Variants in DLG1 observed in about 807,000 individuals in gnomAD.
DLG1 encodes the protein discs large MAGUK scaffold protein 1.
In DLG1, 42 loss-of-function variants were observed where a neutral mutation model predicts 123.4. That is an observed-to-expected ratio of 0.34 (90% CI 0.27 to 0.44). The LOEUF is 0.44. Ranked by LOEUF, DLG1 falls within the 20% of genes least tolerant of loss-of-function variation. The pLI is 1.00. For synonymous variants in DLG1, 317 were observed against 356.2 expected (o/e 0.89, Z 1.24); for missense variants, 942 against 1,082.6 (o/e 0.87, Z 1.82).
At chr3:197,246,919 T>C (rs759623972) in intron 4 of DLG1, among the ~76,000 whole-genome samples, 12 of 152,194 alleles carry the variant, frequency 7.9e-5, no homozygotes, top group Admixed American at 3.3e-4. Flanking sequence ...CAGACTATTA[T>C]AGCGGCCCTA....
intron 8 of DLG1, among the ~76,000 whole-genome samples, chr3:197,139,166 C>G (rs763181264): frequency 2.2e-4 from 34 of 152,038 alleles, no homozygotes; most frequent in Non-Finnish European, 3.5e-4. Context: ...GTTCTGGTCT[C>G]TTTGATTGCA....
intron 4 of DLG1, among the ~76,000 whole-genome samples, chr3:197,222,694 G>A (rs755016626): frequency 6.6e-6 from 1 of 152,056 alleles, no homozygotes; most frequent in African/African-American, 2.4e-5. Flanking sequence ...AAATAGAATC[G>A]CCAAGGCTTT....
chr3:197,130,669 C>T lies in DLG1; in HGVS notation c.1023G>A (p.Val341=), dbSNP rs2149537649. 2 of 1,589,574 alleles carry T rather than the reference C, an allele frequency of 1.3e-6. No homozygotes were observed. The highest frequency in any genetic ancestry group is 1.7e-6 in the Non-Finnish European group (2 of 1,170,262). ...TAACTTCTTCTAAACATACGTTATT[C>T]ACCTAAAAAAAGTCCCAAAAGACAT... The part of the protein sequence containing the change: ...KLQIGDKLLA[V]NNVCLEEVTH... Residue 341 remains valine (V), a splice_region_variant and synonymous_variant, in exon 11 of 25, where the codon GTG becomes GTA. Coordinates refer to ENST00000667157, the MANE Select transcript of DLG1 (RefSeq NM_001366207.1).
chr3:197,051,499 T>A (rs1727703553), intron 24 of DLG1, 78 bp downstream of exon 24: 2 of 1,118,802 alleles, frequency 1.8e-6, no homozygotes, highest in Non-Finnish European at 2.7e-6. Flanking sequence ...TAGTTCAAAA[T>A]CCACCTGAAC....
intron 5 of DLG1, among the ~76,000 whole-genome samples, chr3:197,181,241 T>C (rs1204023229): frequency 6.6e-6 from 1 of 152,204 alleles, no homozygotes; most frequent in Non-Finnish European, 1.5e-5. Context: ...TAATAGAACT[T>C]GATTTATAAC....
At chr3:197,154,001 T>G (rs1461751407) in intron 5 of DLG1, among the ~76,000 whole-genome samples, 1 of 152,058 alleles carries the variant, frequency 6.6e-6, no homozygotes, top group African/African-American at 2.4e-5. Flanking sequence ...CAATATAAAC[T>G]GTTCCTTAAA....
intron 4 of DLG1, among the ~76,000 whole-genome samples, chr3:197,270,035 G>A (rs888696153): frequency 6.6e-6 from 1 of 152,118 alleles, no homozygotes; most frequent in African/African-American, 2.4e-5. Context: ...GCTAAAGTTG[G>A]AAGAATGTGT....
chr3:197,246,351 C>A (rs2150797981), intron 4 of DLG1, among the ~76,000 whole-genome samples: 1 of 152,258 alleles, frequency 6.6e-6, no homozygotes, highest in South Asian at 2.1e-4. Flanking sequence ...GGTTCCCTGT[C>A]AGGAAACCTG....
At chr3:197,251,132 C>G (rs949262881) in intron 4 of DLG1, among the ~76,000 whole-genome samples, 1 of 150,932 alleles carries the variant, frequency 6.6e-6, no homozygotes, top group African/African-American at 2.4e-5. Context: ...ATGCCTGTAA[C>G]CCCAGCATTT....
chr3:197,141,811 T>C (rs963080260), intron 7 of DLG1, among the ~76,000 whole-genome samples: 1 of 152,108 alleles, frequency 6.6e-6, no homozygotes, highest in African/African-American at 2.4e-5. Flanking sequence ...GACTCCTGGG[T>C]TCAAGTGATT....
intron 10 of DLG1, among the ~76,000 whole-genome samples, chr3:197,132,278 C>G (rs762310318): frequency 7.4e-6 from 1 of 135,538 alleles, no homozygotes; most frequent in Non-Finnish European, 1.6e-5. Context: ...TTGGATTGTT[C>G]TTCTCTTTGA....
chr3:197,298,130 C>A, intron 1 of DLG1: 1 of 200,724 alleles, frequency 5.0e-6, no homozygotes, highest in Non-Finnish European at 9.4e-6. Flanking sequence ...TGGCGGCCCC[C>A]GAGCTGGCCT....
At chr3:197,183,987 G>A (rs953014328) in intron 5 of DLG1, 26 of 1,417,038 alleles carry the variant, frequency 1.8e-5, no homozygotes, top group Non-Finnish European at 2.0e-5. Flanking sequence ...GAAAGAGCTC[G>A]TATCTTCCCT....
intron 4 of DLG1, among the ~76,000 whole-genome samples, chr3:197,213,708 T>C (rs952240123): frequency 5.9e-5 from 9 of 152,232 alleles, no homozygotes; most frequent in African/African-American, 2.2e-4. Context: ...TTCAAAATGC[T>C]ACTGAAGTGA....
intron 4 of DLG1, among the ~76,000 whole-genome samples, chr3:197,277,762 T>C (rs1399136138): frequency 3.9e-5 from 6 of 152,188 alleles, no homozygotes; most frequent in Admixed American, 3.3e-4. Flanking sequence ...CTATATCCTT[T>C]CTTATAATCT....
intron 4 of DLG1, among the ~76,000 whole-genome samples, chr3:197,219,484 C>G (rs1489380761): frequency 6.6e-6 from 1 of 152,140 alleles, no homozygotes; most frequent in Non-Finnish European, 1.5e-5. Context: ...GATTCAAAAC[C>G]TCTTTCACAT....
At chr3:197,199,254 G>C (rs1435738365) in intron 4 of DLG1, among the ~76,000 whole-genome samples, 1 of 152,024 alleles carries the variant, frequency 6.6e-6, no homozygotes, top group Non-Finnish European at 1.5e-5. Context: ...CAAAACTAAA[G>C]TCTATTCTCT....
chr3:197,145,351 TTC>T (rs1790222986), intron 6 of DLG1, among the ~76,000 whole-genome samples: 1 of 152,198 alleles, frequency 6.6e-6, no homozygotes, highest in Non-Finnish European at 1.5e-5. Flanking sequence ...TGGTATTACT[TTC>T]TGTTTTTAAC....
intron 5 of DLG1, among the ~76,000 whole-genome samples, chr3:197,176,638 C>T (rs1320688220): frequency 6.6e-6 from 1 of 152,080 alleles, no homozygotes; most frequent in Non-Finnish European, 1.5e-5. Context: ...GGCTTGATAG[C>T]TCATTTCTTT....
Sources: allele counts gnomAD v4.1 joint callset (sites outside exome capture counted in the v4.1 genomes callset), GRCh38; gene constraint gnomAD v4.1.1; transcripts MANE v1.5; gene names NCBI Gene and HGNC (gene_info 2026-07-23, HGNC 2026-07-21).